Variants in PEG3 observed in about 807,000 individuals in gnomAD.
The protein encoded by PEG3 is paternally-expressed gene 3 protein.
In PEG3, 23 loss-of-function variants were observed where a neutral mutation model predicts 35.5. The observed-to-expected ratio is 0.65, with a 90% CI of 0.47 to 0.92. The LOEUF is 0.92. PEG3 is among the 40% of genes least tolerant of loss of function. PEG3 has a pLI of 0.00. For synonymous variants in PEG3, 707 were observed against 697.0 expected (o/e 1.01, Z -0.23); for missense variants, 1,960 against 1,985.3 (o/e 0.99, Z 0.24).
intron 8 of PEG3, 138 bp from the exon 9 acceptor site, chr19:56,817,973 A>AT (rs1370581611): frequency 7.5e-6 from 5 of 664,382 alleles, no homozygotes; most frequent in Non-Finnish European, 1.3e-5. Flanking sequence ...GTCAGAAGAC[A>AT]TTTGCTGTCT....
At position 56,817,508 on chromosome 19, in the gene PEG3, C is replaced by T. The variant is rs755724500; in HGVS notation, c.934G>A (p.Gly312Arg). The stretch of plus-strand genomic sequence containing the variant: ...TTGATGAATTTTTCCATTATCACTC[C>T]GTGGGAAGATTCATCTTCACAAATC... ...RGICEDESSH[G>R]VIMEKFIKDV... The change falls in exon 10 of 10, where the codon GGA (glycine) becomes AGA (arginine). Residue 312 changes from glycine (G) to arginine (R), a missense_variant. Coordinates refer to ENST00000326441, the MANE Select transcript of PEG3 (RefSeq NM_006210.3). 3 of 1,610,490 alleles carry T rather than the reference C, an allele frequency of 1.9e-6. No homozygotes were observed. The highest frequency in any genetic ancestry group is 3.3e-5 in the Admixed American group (2 of 59,716).
chr19:56,821,530 C>T, intron 7 of PEG3, 121 bp downstream of exon 7: 1 of 1,241,164 alleles, frequency 8.1e-7, no homozygotes, highest in Non-Finnish European at 1.1e-6. Context: ...TCCTGGAGCG[C>T]TGGGACTCTC....
At chr19:56,832,604 TA>T (rs1568713135) in intron 2 of PEG3, among the ~76,000 whole-genome samples, 1 of 152,140 alleles carries the variant, frequency 6.6e-6, no homozygotes, top group African/African-American at 2.4e-5. Flanking sequence ...CAACAGCAGT[TA>T]GGGGCACACA....
In PEG3 at chr19:56,813,887, C is replaced by G; in HGVS notation, c.4555G>C (p.Ala1519Pro). Reference sequence around the variant, plus strand: ...TGAGTTTTCAGGTGTTCACTGAATGCTGTGCTGGAAGTGAAGGTTTCTGTG... The same window carrying G: ...TGAGTTTTCAGGTGTTCACTGAATGGTGTGCTGGAAGTGAAGGTTTCTGTG... ...ECTETFTSST[A>P]FSEHLKTHAS... The change falls in exon 10 of 10, where the codon GCA (alanine) becomes CCA (proline). Residue 1519 changes from alanine to proline, a missense_variant. Transcript: ENST00000326441. The G allele has an allele frequency of 6.2e-7, 1 of 1,614,202 alleles. No individual in the cohort carries two copies. Among genetic ancestry groups the G allele is most frequent in the Non-Finnish European group, 8.5e-7 (1 of 1,180,032 alleles).
chr19:56,814,043 C>T lies in PEG3; in HGVS notation c.4399G>A (p.Glu1467Lys). 3 of 1,614,146 alleles carry T rather than the reference C, an allele frequency of 1.9e-6. No individual in the cohort carries two copies. Among genetic ancestry groups the T allele is most frequent in the Non-Finnish European group, 8.5e-7 (1 of 1,180,028 alleles). The change falls in exon 10 of 10, where the codon GAG (glutamate) becomes AAG (lysine). Residue 1467 changes from glutamate (E) to lysine (K), a missense_variant. This residue lies in a region of PEG3 where 416 missense variants were observed against 416.7 expected (regional missense o/e 1.00). Transcript: ENST00000326441. The surrounding 1 kb of genome is among the most constrained non-coding windows in gnomAD (Gnocchi z 5.8). ...GGCTCTTCAGCTTTTCCCTCTGGCTCTTCAGCTCTTTCTTCTGGGTCTTCA... is the reference window on the plus strand; with the variant it reads ...GGCTCTTCAGCTTTTCCCTCTGGCTTTTCAGCTCTTTCTTCTGGGTCTTCA... The part of the protein sequence containing the change: ...GIEDPEERAE[E>K]PEGKAEEPEG...
At chr19:56,829,942 G>A (rs572286385) in intron 2 of PEG3, among the ~76,000 whole-genome samples, 34 of 152,350 alleles carry the variant, frequency 2.2e-4, no homozygotes, top group African/African-American at 7.7e-4. Context: ...CAGAAGATAC[G>A]TGTTTGCAGG....
At chr19:56,839,370 G>A (rs1223504856) in intron 1 of PEG3, among the ~76,000 whole-genome samples, 1 of 151,094 alleles carries the variant, frequency 6.6e-6, no homozygotes, top group African/African-American at 2.4e-5. Context: ...AACCAGGGCA[G>A]CACCTGCACA....
At chr19:56,828,878 G>A (rs1404005113) in intron 2 of PEG3, among the ~76,000 whole-genome samples, 1 of 152,136 alleles carries the variant, frequency 6.6e-6, no homozygotes, top group Admixed American at 6.5e-5. Flanking sequence ...GATGAAAATT[G>A]ATGCTAGTGA....
rs1568639031 is a variant in PEG3, at chr19:56,816,782, G to A, written c.1660C>T (p.Gln554Ter). 1 of 1,614,088 alleles carries A rather than the reference G, an allele frequency of 6.2e-7. No homozygotes were observed. Among genetic ancestry groups the A allele is most frequent in the Non-Finnish European group, 8.5e-7 (1 of 1,180,010 alleles). Residue 554 changes from glutamine (Q) to a stop codon, truncating the protein, a stop_gained, in exon 10 of 10, where the codon CAG becomes TAG. Coordinates refer to ENST00000326441, the MANE Select transcript of PEG3 (RefSeq NM_006210.3). LOFTEE classifies it low-confidence loss of function (END_TRUNC). ...FMPSPTFSEL[Q>*]KIYGKDKFYE... ...AATTTGTCTTTGCCATATATTTTCT[G>A]AAGCTCACTAAAGGTGGGGCTAGGC...
chr19:56,840,188 T>C (rs1397586828), intron 1 of PEG3, among the ~76,000 whole-genome samples: 1 of 152,198 alleles, frequency 6.6e-6, no homozygotes, highest in Non-Finnish European at 1.5e-5. Flanking sequence ...GTGTCGACCT[T>C]GCTGGACTTG....
chr19:56,822,641 T>C (rs2146323700), intron 6 of PEG3, 112 bp downstream of exon 6: 3 of 1,442,248 alleles, frequency 2.1e-6, no homozygotes, highest in Non-Finnish European at 2.8e-6. Context: ...GGAAGCGGAA[T>C]ATACTCCAAA....
Position 56,815,864 on chromosome 19 carries a change from C to G in PEG3, c.2578G>C (p.Glu860Gln). The G allele has an allele frequency of 6.2e-7, 1 of 1,613,672 alleles. No individual in the cohort carries two copies. Among genetic ancestry groups the G allele is most frequent in the South Asian group, 1.1e-5 (1 of 90,992 alleles). Residue 860 changes from glutamate (E) to glutamine (Q), a missense_variant, in exon 10 of 10, where the codon GAA (glutamate) becomes CAA (glutamine). Glu to Gln is a conservative substitution (Grantham distance 29). Transcript: ENST00000326441. ...NELVESNEKG[E>Q]SSIYISDLND... ...AGGTCTGAGATATAAATGGAGGATTCTCCCTTCTCATTAGATTCCACCAAT... is the reference window on the plus strand; with the variant it reads ...AGGTCTGAGATATAAATGGAGGATTGTCCCTTCTCATTAGATTCCACCAAT...
At chr19:56,828,675 A>G (rs914617702) in intron 2 of PEG3, among the ~76,000 whole-genome samples, 2 of 152,224 alleles carry the variant, frequency 1.3e-5, no homozygotes, top group African/African-American at 2.4e-5. Flanking sequence ...AACACAGATG[A>G]CAGTTAATGT....
intron 7 of PEG3, 57 bp from the exon 8 acceptor site, chr19:56,818,759 CAG>C: frequency 6.3e-7 from 1 of 1,586,094 alleles, no homozygotes; most frequent in Non-Finnish European, 8.7e-7. Flanking sequence ...TGTTCAAAGA[CAG>C]AATAATGTTG....
Position 56,812,017 on chromosome 19 carries a change from T to A in PEG3, c.*1658A>T. On this transcript the variant is annotated 3_prime_UTR_variant, in exon 10 of 10. Transcript: ENST00000326441. ...TCTTTGACATACTTCCAAGCCCTAA[T>A]CCTGCAGATCCAGAAGAGTAAGATT... 1 of 984,982 alleles carries A rather than the reference T, an allele frequency of 1.0e-6. No homozygotes were observed. Among genetic ancestry groups the A allele is most frequent in the South Asian group, 4.7e-5 (1 of 21,288 alleles). The allele number at this position is 984,982 out of a possible 1,614,324, so 61.0% of individuals were successfully genotyped here. A position where few individuals can be genotyped will look rare whatever the true frequency, so the allele number is the denominator to read the frequency against.
At position 56,815,234 on chromosome 19, in the gene PEG3, C is replaced by A; in HGVS notation, c.3208G>T (p.Gly1070Trp). 2.5e-6 allele frequency: 4 copies of A among 1,614,148 alleles called. No individual in the cohort carries two copies. The South Asian group carries it at 3.3e-5, about 13-fold the overall frequency. ...GEESQGENTDGEETHSEETHG... is the reference protein window; with the variant it reads ...GEESQGENTDWEETHSEETHG... ...GTCTCCTCGCTGTGGGTCTCCTCCC[C>A]ATCAGTATTCTCGCCTTGAGACTCC... The change falls in exon 10 of 10, where the codon GGG (glycine) becomes TGG (tryptophan). Residue 1070 changes from glycine (G) to tryptophan (W), a missense_variant. Physicochemically the swap from Gly to Trp is radical, Grantham distance 184 (BLOSUM62 -2). Coordinates refer to ENST00000326441, the MANE Select transcript of PEG3 (RefSeq NM_006210.3).
chr19:56,834,954 A>G (rs986458579), intron 2 of PEG3, among the ~76,000 whole-genome samples: 1 of 152,110 alleles, frequency 6.6e-6, no homozygotes, highest in Non-Finnish European at 1.5e-5. Context: ...CAAATGAACA[A>G]ACAGACAACC....
chr19:56,821,043 G>C (rs917754878), intron 7 of PEG3, among the ~76,000 whole-genome samples: 1 of 152,134 alleles, frequency 6.6e-6, no homozygotes, highest in Non-Finnish European at 1.5e-5. Context: ...CCCGGCACAT[G>C]CTGCCTCTTA....
At position 56,817,143 on chromosome 19, in the gene PEG3, G is replaced by T; in HGVS notation, c.1299C>A (p.Ser433Arg). The T allele has an allele frequency of 6.2e-7, 1 of 1,614,138 alleles. No homozygotes were observed. Among genetic ancestry groups the T allele is most frequent in the Admixed American group, 1.7e-5 (1 of 60,026 alleles). ...ACTCGGTAAAGGAGGGGGAGCTGAG[G>T]CTGCTCAGGCTGCTCACGCTCATGG... ...RKAMSVSSLS[S>R]LSSPSFTESQ... Residue 433 changes from serine (S) to arginine (R), a missense_variant, in exon 10 of 10, where the codon AGC (serine) becomes AGA (arginine). Ser to Arg is a moderately radical substitution (Grantham distance 110). Transcript: ENST00000326441.
Sources: allele counts gnomAD v4.1 joint callset (sites outside exome capture counted in the v4.1 genomes callset), GRCh38; gene constraint gnomAD v4.1.1; regional missense constraint gnomAD v4.1.1; non-coding constraint Gnocchi (gnomAD v3.1); transcripts MANE v1.5; gene names NCBI Gene and HGNC (gene_info 2026-07-23, HGNC 2026-07-21).